SPPL2B: variants seen among roughly 807,000 people sequenced by gnomAD.
SPPL2B encodes the protein signal peptide peptidase like 2B, also known as signal peptide peptidase-like 2B.
A neutral mutation model predicts 59.7 loss-of-function variants in SPPL2B; 39 were observed. The observed-to-expected ratio is 0.65, with a 90% CI of 0.51 to 0.85. The LOEUF (loss-of-function observed/expected upper bound fraction) is 0.85. Among genes scored for constraint, SPPL2B ranks in the 40% least tolerant of loss-of-function variants. The probability of loss-of-function intolerance (pLI) is 0.00; values close to 1 mark genes in which losing one functional copy is unlikely to be tolerated. For synonymous variants in SPPL2B, 419 were observed against 370.8 expected (o/e 1.13, Z -1.49); for missense variants, 865 against 849.0 (o/e 1.02, Z -0.23).
intron 13 of SPPL2B, 77 bp from the exon 14 acceptor site, chr19:2,351,357 C>A: frequency 7.9e-7 from 1 of 1,259,550 alleles, no homozygotes; most frequent in Non-Finnish European, 1.1e-6. Context: ...AACCCCAGCC[C>A]GCTCACGTTC....
chr19:2,348,893 C>G, intron 13 of SPPL2B, among the ~76,000 whole-genome samples: 2 of 123,982 alleles, frequency 1.6e-5, no homozygotes, highest in African/African-American at 6.1e-5. Context: ...TCTCTCTCTC[C>G]ACACACACTC....
At chr19:2,339,703 C>T (rs11883146) in intron 5 of SPPL2B, 121 bp from the exon 6 acceptor site, 134,996 of 1,188,978 alleles carry the variant, frequency 0.11, 8,353 homozygotes, top group Middle Eastern at 0.17. Context: ...CACTTCAGTC[C>T]CCCCCGGGTC....
In SPPL2B at chr19:2,345,339, C is replaced by T; in HGVS notation, c.1354+9C>T. The T allele has an allele frequency of 6.2e-7, 1 of 1,612,290 alleles. No homozygotes were observed. ...CGTGGCCTGCACCATCGGTAAGTGC[C>T]TCGGTTGGGCCCGTGCTGGCCTCTC... On this transcript the variant is annotated intron_variant, in intron 13 of 14. Coordinates refer to ENST00000613503, the MANE Select transcript of SPPL2B (RefSeq NM_152988.3).
In SPPL2B at chr19:2,343,327, T is replaced by C. The variant is rs1367431578; in HGVS notation, c.1038+35T>C. 4.0e-6 allele frequency: 6 copies of C among 1,508,190 alleles called. No individual in the cohort carries two copies. In the Admixed American group the frequency reaches 1.2e-4, roughly 30 times the overall value. 93.4% of individuals were successfully genotyped at this position (1,508,190 alleles called of 1,614,324 possible). A position where few individuals can be genotyped will look rare whatever the true frequency, so the allele number is the denominator to read the frequency against. Reference sequence around the variant, plus strand: ...GGGAGGGCACGGCTGCGGGGCAGCATGGGTAGTGGGGGCCCTTCATCCTAG... The same window carrying C: ...GGGAGGGCACGGCTGCGGGGCAGCACGGGTAGTGGGGGCCCTTCATCCTAG... On this transcript the variant is annotated intron_variant, in intron 9 of 14. Coordinates refer to ENST00000613503, the MANE Select transcript of SPPL2B (RefSeq NM_152988.3).
intron 4 of SPPL2B, 57 bp from the exon 5 acceptor site, chr19:2,339,012 C>A: frequency 6.5e-7 from 1 of 1,528,948 alleles, no homozygotes; most frequent in South Asian, 1.2e-5. Flanking sequence ...AGCTGCACGT[C>A]GACCCATGGC....
intron 1 of SPPL2B, among the ~76,000 whole-genome samples, chr19:2,329,619 CAG>C (rs1437111740): frequency 6.6e-6 from 1 of 152,234 alleles, no homozygotes; most frequent in Non-Finnish European, 1.5e-5. Context: ...ACTACCCCCT[CAG>C]AGTTCTCACT....
chr19:2,349,896 T>G (rs1969797786), intron 13 of SPPL2B, among the ~76,000 whole-genome samples: 1 of 146,600 alleles, frequency 6.8e-6, no homozygotes, highest in Non-Finnish European at 1.5e-5. Flanking sequence ...ACTCGCGCCC[T>G]CATTCGCTTG....
chr19:2,352,590 C>T (rs1265874805), intron 14 of SPPL2B, among the ~76,000 whole-genome samples: 1 of 152,112 alleles, frequency 6.6e-6, no homozygotes, highest in Non-Finnish European at 1.5e-5. Context: ...GGGGCCAGCA[C>T]CCCCACCCCA....
chr19:2,329,012 C>T (rs1968142039), intron 1 of SPPL2B, among the ~76,000 whole-genome samples: 1 of 152,236 alleles, frequency 6.6e-6, no homozygotes, highest in African/African-American at 2.4e-5. Context: ...GCGCCACTCA[C>T]TTCCCACCGG....
At chr19:2,351,814 C>CCGGGGGTGCCGGGTGGGACG (rs1009977953) in intron 14 of SPPL2B, among the ~76,000 whole-genome samples, 67 of 143,764 alleles carry the variant, frequency 4.7e-4, no homozygotes, top group Non-Finnish European at 8.9e-4. Context: ...CAGGTGGGGC[C>CCGGGGGTGCCGGGTGGGACG]CGGGGGTGCC....
Position 2,354,002 on chromosome 19 carries a change from C to T in SPPL2B, c.*793C>T, listed in dbSNP as rs1253574701. ...CCCTTCTGACAAGCAGGGGTGGGCGCCAGGCAGGCTGGGTCAGGCCCTCAG... is the reference window on the plus strand; with the variant it reads ...CCCTTCTGACAAGCAGGGGTGGGCGTCAGGCAGGCTGGGTCAGGCCCTCAG... On this transcript the variant is annotated 3_prime_UTR_variant, in exon 15 of 15. Coordinates refer to ENST00000613503, the MANE Select transcript of SPPL2B (RefSeq NM_152988.3). 1 of 152,254 alleles carries T rather than the reference C, an allele frequency of 6.6e-6. No individual in the cohort carries two copies. Among genetic ancestry groups the T allele is most frequent in the Non-Finnish European group, 1.5e-5 (1 of 68,056 alleles). The allele number at this position is 152,254 out of a possible 1,614,324, so 9.4% of individuals were successfully genotyped here. A position where few individuals can be genotyped will look rare whatever the true frequency, so the allele number is the denominator to read the frequency against.
intron 12 of SPPL2B, 95 bp from the exon 13 acceptor site, chr19:2,345,158 C>T (rs775273331): frequency 2.8e-4 from 266 of 960,004 alleles, no homozygotes; most frequent in Middle Eastern, 1.3e-3. Context: ...AGGCCCACGG[C>T]GCCCACAGGT....
Position 2,340,874 on chromosome 19 carries a change from C to T in SPPL2B, c.840-24C>T, listed in dbSNP as rs571512802. On this transcript the variant is annotated intron_variant, in intron 7 of 14. Transcript: ENST00000613503. ...TGAGGCCGGGAGCTGGTGGGCTTGG[C>T]TCTGACTGCCCCGTGCCCCCCAGGA... is the stretch of plus-strand genomic sequence containing the variant. The T allele has an allele frequency of 1.1e-5, 17 of 1,485,004 alleles. No homozygotes were observed. In the East Asian group the frequency reaches 3.2e-4, roughly 28 times the overall value. 92.0% of individuals were successfully genotyped at this position (1,485,004 alleles called of 1,614,324 possible).
intron 7 of SPPL2B, chr19:2,340,532 G>T (rs772655845): frequency 1.7e-5 from 10 of 587,480 alleles, no homozygotes; most frequent in African/African-American, 9.4e-5. Context: ...CTGCTGGGGG[G>T]TCTCCAACAA....
chr19:2,349,082 A>C (rs1969712721), intron 13 of SPPL2B, among the ~76,000 whole-genome samples: 1 of 137,408 alleles, frequency 7.3e-6, no homozygotes, highest in African/African-American at 2.8e-5. Flanking sequence ...CTCCCTCCAC[A>C]CACACTCGCG....
intron 2 of SPPL2B, 182 bp from the exon 3 acceptor site, chr19:2,337,261 C>T: frequency 1.9e-6 from 1 of 538,798 alleles, no homozygotes; most frequent in Non-Finnish European, 3.2e-6. Flanking sequence ...CAGCCCGTCG[C>T]CCAGGGTCCG....
At chr19:2,347,229 G>T in intron 13 of SPPL2B, among the ~76,000 whole-genome samples, 1 of 96,442 alleles carries the variant, frequency 1.0e-5, no homozygotes. Context: ...ACACACTCAC[G>T]CGCTCTCATT....
At chr19:2,339,522 G>A (rs374755474) in intron 5 of SPPL2B, among the ~76,000 whole-genome samples, 10 of 152,326 alleles carry the variant, frequency 6.6e-5, no homozygotes, top group Admixed American at 1.3e-4. Flanking sequence ...CCTGGGTCTG[G>A]GGAGGCCCCA....
In SPPL2B at chr19:2,332,423, G is replaced by C; in HGVS notation, c.67-2179G>C. Among the ~76,000 whole-genome samples, 1 of 152,248 alleles carries C rather than the reference G, an allele frequency of 6.6e-6. No homozygotes were observed. Among genetic ancestry groups the C allele is most frequent in the East Asian group, 1.9e-4 (1 of 5,196 alleles). ...CCAGAGCTGTCCTTCCCCAGTCCTA[G>C]CTTGGCAGAGCTGCGTCTGCACTGT... On this transcript the variant is annotated intron_variant, in intron 1 of 14. Coordinates refer to ENST00000613503, the MANE Select transcript of SPPL2B (RefSeq NM_152988.3). This position sits in a 1 kb window ranked among gnomAD's most constrained non-coding sequence, Gnocchi z 4.6.
Sources: gnomAD v4.1 joint callset for allele counts (sites outside exome capture counted in the v4.1 genomes callset) on GRCh38, gnomAD v4.1.1 for gene constraint, Gnocchi (gnomAD v3.1) non-coding constraint, MANE v1.5 for transcripts, NCBI Gene and HGNC (gene_info 2026-07-23, HGNC 2026-07-21) for gene names.